PLEKHG7: variants seen among roughly 807,000 people sequenced by gnomAD.
PLEKHG7 encodes the protein pleckstrin homology and RhoGEF domain containing G7.
In PLEKHG7, 77 loss-of-function variants were observed where a neutral mutation model predicts 85.2. The observed-to-expected ratio is 0.90, with a 90% confidence interval of 0.75 to 1.09. PLEKHG7 has a LOEUF of 1.09. PLEKHG7 is among the 50% of genes least tolerant of loss of function. The pLI is 0.00. For missense variants in PLEKHG7, 777 were observed against 804.3 expected, an observed-to-expected ratio of 0.97 and a Z score of 0.41; for synonymous variants, 301 against 302.4, an observed-to-expected ratio of 1.00 and a Z score of 0.05.
rs1284791829 is a variant in PLEKHG7, at chr12:92,740,952, A to G, written c.1035+4A>G. The G allele has an allele frequency of 6.3e-7, 1 of 1,583,390 alleles. No homozygotes were observed. The highest frequency in any genetic ancestry group is 1.7e-5 in the Admixed American group (1 of 59,902). On this transcript the variant is annotated splice_donor_region_variant and intron_variant, in intron 8 of 16. Transcript: ENST00000344636. Reference sequence around the variant, plus strand: ...AAACCTGGAGGAGTTAACTCAGGTGAGCCAAGTAGGAAGATTCATGTTTTA... The same window carrying G: ...AAACCTGGAGGAGTTAACTCAGGTGGGCCAAGTAGGAAGATTCATGTTTTA...
Position 92,761,847 on chromosome 12 carries a change from T to G in PLEKHG7, c.1716+16T>G. On this transcript the variant is annotated intron_variant, in intron 14 of 16. Coordinates refer to ENST00000344636, the MANE Select transcript of PLEKHG7 (RefSeq NM_001377329.1). ...CAACAAAAAGGTAAAATGCTGCTAT[T>G]TCAAAGTACGTTTCTAAACAAGTTT... 1 of 1,557,408 alleles carries G rather than the reference T, an allele frequency of 6.4e-7. No homozygotes were observed. The highest frequency in any genetic ancestry group is 8.6e-7 in the Non-Finnish European group (1 of 1,160,652).
intron 13 of PLEKHG7, 120 bp from the exon 14 acceptor site, chr12:92,761,623 GAAGAAAGAA>G (rs1382942209): frequency 2.8e-4 from 198 of 718,942 alleles, no homozygotes; most frequent in Admixed American, 2.1e-3. Context: ...AAGAAAGAAA[GAAGAAAGAA>G]AGAAAGAAAG....
At chr12:92,729,947 TGTGA>T (rs1871935321) in intron 4 of PLEKHG7, among the ~76,000 whole-genome samples, 1 of 151,986 alleles carries the variant, frequency 6.6e-6, no homozygotes, top group Admixed American at 6.6e-5. Flanking sequence ...TTCACATATG[TGTGA>T]GTGAGACCCA....
At chr12:92,706,349 G>A in intron 1 of PLEKHG7, 122 bp from the exon 2 acceptor site, 1 of 333,490 alleles carries the variant, frequency 3.0e-6, no homozygotes, top group East Asian at 5.3e-5. Context: ...GGATGCTGAT[G>A]TGAACTGAGC....
At chr12:92,725,800 A>G (rs1474194887) in intron 3 of PLEKHG7, among the ~76,000 whole-genome samples, 1 of 152,202 alleles carries the variant, frequency 6.6e-6, no homozygotes, top group Non-Finnish European at 1.5e-5. Flanking sequence ...AAGGCTAAAA[A>G]CGTGAAATAA....
At chr12:92,711,641 C>T (rs1286634716) in intron 3 of PLEKHG7, among the ~76,000 whole-genome samples, 14 of 152,010 alleles carry the variant, frequency 9.2e-5, no homozygotes, top group Admixed American at 9.2e-4. Context: ...GAGTAGTTAT[C>T]TGCAGAAGAT....
rs1304816388 is a variant in PLEKHG7 at position 92,708,460 on chromosome 12, G to A, written c.530+788G>A. On this transcript the variant is annotated intron_variant, in intron 3 of 16. Transcript: ENST00000344636. ...TGGCCTAATTGTACCAACAAAGGTAGAAGATACTTACCAAGCCATAGGGAA... is the reference window on the plus strand; with the variant it reads ...TGGCCTAATTGTACCAACAAAGGTAAAAGATACTTACCAAGCCATAGGGAA... 2.0e-5 allele frequency: 3 copies of A among 152,218 alleles called. 1 individual carries two copies. The East Asian group carries it at 5.8e-4, about 29-fold the overall frequency. The allele number at this position is 152,218 out of a possible 1,614,324, so 9.4% of individuals were successfully genotyped here.
chr12:92,748,440 G>T (rs532248863), intron 10 of PLEKHG7, among the ~76,000 whole-genome samples: 1 of 152,158 alleles, frequency 6.6e-6, no homozygotes, highest in South Asian at 2.1e-4. Flanking sequence ...TAGAGACGGG[G>T]CTTCACTATG....
chr12:92,710,553 A>G (rs1037941234), intron 3 of PLEKHG7, among the ~76,000 whole-genome samples: 7 of 152,314 alleles, frequency 4.6e-5, no homozygotes, highest in Non-Finnish European at 8.8e-5. Context: ...CGGAGTAAGT[A>G]TCTATCCCAG....
chr12:92,745,364 T>C (rs941114849), intron 9 of PLEKHG7, 114 bp from the exon 10 acceptor site: 2 of 681,468 alleles, frequency 2.9e-6, no homozygotes, highest in African/African-American at 4.0e-5. Context: ...TCATGGCGAC[T>C]CCTCCACTTT....
chr12:92,723,479 T>A (rs947352694), intron 3 of PLEKHG7, among the ~76,000 whole-genome samples: 3 of 152,194 alleles, frequency 2.0e-5, no homozygotes, highest in African/African-American at 7.2e-5. Context: ...TTAAAGAGTG[T>A]CAGTCTAATG....
chr12:92,740,279 T>G (rs1872312581), intron 7 of PLEKHG7, among the ~76,000 whole-genome samples: 1 of 152,248 alleles, frequency 6.6e-6, no homozygotes, highest in Non-Finnish European at 1.5e-5. Context: ...TACTTTTTTT[T>G]GACTTGCTGT....
At chr12:92,743,181 T>A (rs1872418121) in intron 9 of PLEKHG7, among the ~76,000 whole-genome samples, 1 of 152,188 alleles carries the variant, frequency 6.6e-6, no homozygotes, top group Non-Finnish European at 1.5e-5. Context: ...CCTCTGCTGA[T>A]GAAATGGCCA....
At chr12:92,761,623 G>GAGA (rs1555196573) in intron 13 of PLEKHG7, 129 bp from the exon 14 acceptor site, 106 of 718,842 alleles carry the variant, frequency 1.5e-4, no homozygotes, top group Admixed American at 1.6e-4. Context: ...AAGAAAGAAA[G>GAGA]AAGAAAGAAA....
Position 92,761,639 on chromosome 12 carries a change from A to AAGAAAGAAAGAAAGG in PLEKHG7, c.1637-112_1637-111insGAAAGAAAGAAAGGA, listed in dbSNP as rs1565797554. On this transcript the variant is annotated intron_variant, in intron 13 of 16. Coordinates refer to ENST00000344636, the MANE Select transcript of PLEKHG7 (RefSeq NM_001377329.1). ...AGAAAGAAAGAAGAAAGAAAGAAAG[A>AAGAAAGAAAGAAAGG]AAGAAAGAAAGAAAGAAAGAAAGAA... 2.7e-4 allele frequency: 134 copies of AAGAAAGAAAGAAAGG among 497,988 alleles called. 1 individual carries two copies. The African/African-American group carries it at 3.6e-3, about 13-fold the overall frequency. 30.8% of individuals were successfully genotyped at this position (497,988 alleles called of 1,614,324 possible).
rs2136640035 is a variant in PLEKHG7, at chr12:92,770,801, A to G, written c.*606A>G. 6.6e-6 allele frequency: 1 copy of G among 151,784 alleles called. No homozygotes were observed. Among genetic ancestry groups the G allele is most frequent in the African/African-American group, 2.4e-5 (1 of 41,388 alleles). The allele number at this position is 151,784 out of a possible 1,614,324, so 9.4% of individuals were successfully genotyped here. A position where few individuals can be genotyped will look rare whatever the true frequency, so the allele number is the denominator to read the frequency against. The stretch of plus-strand genomic sequence containing the variant: ...CTCTAACGTGGAAGTAGAAAATCCC[A>G]AAGACTAAATTCCATTACTTTAAGA... On this transcript the variant is annotated 3_prime_UTR_variant, in exon 17 of 17. Transcript: ENST00000344636.
At chr12:92,716,294 G>A (rs1021717806) in intron 3 of PLEKHG7, among the ~76,000 whole-genome samples, 44 of 152,004 alleles carry the variant, frequency 2.9e-4, no homozygotes, top group African/African-American at 9.4e-4. Context: ...ACAGGATTTC[G>A]TCATTGTTGG....
chr12:92,721,839 A>G (rs1383092705), intron 3 of PLEKHG7, among the ~76,000 whole-genome samples: 1 of 151,810 alleles, frequency 6.6e-6, no homozygotes, highest in African/African-American at 2.4e-5. Flanking sequence ...CACCCCAAAT[A>G]GTTTGCATTT....
At chr12:92,730,535 T>G (rs993817939) in intron 4 of PLEKHG7, among the ~76,000 whole-genome samples, 4 of 152,150 alleles carry the variant, frequency 2.6e-5, no homozygotes, top group South Asian at 2.1e-4. Flanking sequence ...TGGTGGTGGT[T>G]GTTGTTTGAG....
Sources: allele counts gnomAD v4.1 joint callset (sites outside exome capture counted in the v4.1 genomes callset), GRCh38; gene constraint gnomAD v4.1.1; transcripts MANE v1.5; gene names NCBI Gene and HGNC (gene_info 2026-07-23, HGNC 2026-07-21).